SGMS1: variants seen among roughly 807,000 people sequenced by gnomAD.
SGMS1 encodes the protein sphingomyelin synthase 1.
SGMS1 carries 13 observed loss-of-function variants against 46.2 expected under a neutral mutation model. The ratio of observed to expected loss-of-function variants is 0.28; its 90% confidence interval spans 0.18 to 0.45. The LOEUF is 0.45. SGMS1 is among the 20% of genes least tolerant of loss of function. The pLI is 1.00. For synonymous variants in SGMS1, 203 were observed against 187.8 expected (o/e 1.08, Z -0.66); for missense variants, 324 against 519.9 (o/e 0.62, Z 3.66).
chr10:50,600,333 T>A (rs1588888993), intron 1 of SGMS1, among the ~76,000 whole-genome samples: 1 of 152,232 alleles, frequency 6.6e-6, no homozygotes, highest in South Asian at 2.1e-4. Flanking sequence ...TTTGAGCAAA[T>A]GTATTTACTC....
intron 6 of SGMS1, among the ~76,000 whole-genome samples, chr10:50,426,062 G>C (rs1849322374): frequency 6.6e-6 from 1 of 152,150 alleles, no homozygotes; most frequent in Non-Finnish European, 1.5e-5. Flanking sequence ...AAATGGAGTG[G>C]TATGTATTAA....
intron 7 of SGMS1, among the ~76,000 whole-genome samples, chr10:50,328,281 T>A (rs1847561016): frequency 6.6e-6 from 1 of 152,216 alleles, no homozygotes; most frequent in Non-Finnish European, 1.5e-5. Flanking sequence ...CAGGCCAGAA[T>A]CATGTGAGTA....
intron 1 of SGMS1, among the ~76,000 whole-genome samples, chr10:50,600,105 T>C (rs1175412339): frequency 1.3e-5 from 2 of 152,132 alleles, no homozygotes; most frequent in African/African-American, 4.8e-5. Flanking sequence ...AACCAGAGGA[T>C]TGGGGAAATT....
chr10:50,476,656 T>C (rs973395602), intron 3 of SGMS1, among the ~76,000 whole-genome samples: 2 of 152,100 alleles, frequency 1.3e-5, no homozygotes, highest in Non-Finnish European at 2.9e-5. Flanking sequence ...GAAAAATACT[T>C]TTGTGGGCCA....
intron 8 of SGMS1, among the ~76,000 whole-genome samples, chr10:50,325,015 T>C (rs1031240437): frequency 3.9e-5 from 6 of 152,262 alleles, no homozygotes; most frequent in African/African-American, 1.4e-4. Flanking sequence ...CATCAACTTG[T>C]AATTGCTGAT....
At chr10:50,442,144 A>G (rs1214098322) in intron 5 of SGMS1, among the ~76,000 whole-genome samples, 5 of 152,088 alleles carry the variant, frequency 3.3e-5, no homozygotes, top group Admixed American at 1.3e-4. Context: ...AACAAAACAA[A>G]AGGGCGTTCA....
chr10:50,475,897 T>C (rs1264054882), intron 3 of SGMS1, among the ~76,000 whole-genome samples: 1 of 151,972 alleles, frequency 6.6e-6, no homozygotes, highest in East Asian at 1.9e-4. Flanking sequence ...TTGAACCTCA[T>C]TTCTGTATAA....
chr10:50,609,098 C>T lies in SGMS1; in HGVS notation c.-684+14609G>A, dbSNP rs146388419. 4.7e-3 allele frequency among the ~76,000 whole-genome samples: 719 copies of T among 152,234 alleles called. 3 individuals carry two copies. The highest frequency in any genetic ancestry group is 0.024 in the South Asian group (116 of 4,826). On this transcript the variant is annotated intron_variant, in intron 1 of 10. Coordinates refer to ENST00000361781, the MANE Select transcript of SGMS1 (RefSeq NM_147156.4). ...CTCCCAGGCTCAAGCGATCCTCCCA[C>T]CTCAGTCTCCCTGGTATCTGGGACT... is the stretch of plus-strand genomic sequence containing the variant.
chr10:50,623,315 G>A (rs1394566696), intron 1 of SGMS1, among the ~76,000 whole-genome samples: 3 of 152,150 alleles, frequency 2.0e-5, no homozygotes, highest in Non-Finnish European at 2.9e-5. Flanking sequence ...CCCCGGGCGG[G>A]CTACTGCCCA....
At chr10:50,327,844 T>C (rs538277774) in intron 7 of SGMS1, among the ~76,000 whole-genome samples, 14 of 152,318 alleles carry the variant, frequency 9.2e-5, no homozygotes, top group African/African-American at 3.1e-4. Flanking sequence ...AACGAACCTA[T>C]GGAAAAACAG....
At chr10:50,325,005 C>T (rs1007995068) in intron 8 of SGMS1, among the ~76,000 whole-genome samples, 1 of 152,174 alleles carries the variant, frequency 6.6e-6, no homozygotes, top group Non-Finnish European at 1.5e-5. Flanking sequence ...CAGGATATCG[C>T]ATCAACTTGT....
chr10:50,508,774 T>C (rs1837729501), intron 3 of SGMS1, among the ~76,000 whole-genome samples: 1 of 152,188 alleles, frequency 6.6e-6, no homozygotes, highest in Non-Finnish European at 1.5e-5. Flanking sequence ...CCATAAAACC[T>C]TGGGCTTTCT....
chr10:50,394,762 T>C (rs1011704283), intron 6 of SGMS1, among the ~76,000 whole-genome samples: 3 of 152,240 alleles, frequency 2.0e-5, no homozygotes, highest in African/African-American at 4.8e-5. Context: ...TGTTAGACCC[T>C]AATACTCTAA....
At chr10:50,375,117 G>C (rs1354472100) in intron 6 of SGMS1, among the ~76,000 whole-genome samples, 3 of 151,996 alleles carry the variant, frequency 2.0e-5, no homozygotes, top group African/African-American at 7.3e-5. Flanking sequence ...GGGCAACCAA[G>C]CAGAAAGAAG....
intron 2 of SGMS1, among the ~76,000 whole-genome samples, chr10:50,522,357 T>C (rs1260148241): frequency 6.6e-6 from 1 of 152,186 alleles, no homozygotes; most frequent in Admixed American, 6.6e-5. Context: ...GCTCATCTTG[T>C]ATCTACCCTG....
At chr10:50,554,890 T>C (rs1218670140) in intron 2 of SGMS1, among the ~76,000 whole-genome samples, 4 of 152,254 alleles carry the variant, frequency 2.6e-5, no homozygotes, top group African/African-American at 9.6e-5. Context: ...ATCAGTACAT[T>C]CAGATCTACT....
At chr10:50,462,614 A>G (rs1278687557) in intron 4 of SGMS1, among the ~76,000 whole-genome samples, 1 of 152,234 alleles carries the variant, frequency 6.6e-6, no homozygotes, top group Non-Finnish European at 1.5e-5. Flanking sequence ...ACCATTTTAT[A>G]AAGTCCTTTT....
At position 50,562,803 on chromosome 10, in the gene SGMS1, C is replaced by A. The variant is rs181622470; in HGVS notation, c.-589+27350G>T. The stretch of plus-strand genomic sequence containing the variant: ...TCGTGATCCGCCCGCCTTGGCCTCC[C>A]AAAGTGCTGGGTTTACAAGCGTGAG... On this transcript the variant is annotated intron_variant, in intron 2 of 10. Transcript: ENST00000361781. 2.0e-4 allele frequency among the ~76,000 whole-genome samples: 31 copies of A among 152,266 alleles called. No individual in the cohort carries two copies. In the East Asian group the frequency reaches 4.5e-3, roughly 22 times the overall value.
At chr10:50,429,728 CACACACACACACAT>C (rs1264204385) in intron 6 of SGMS1, among the ~76,000 whole-genome samples, 441 of 19,308 alleles carry the variant, frequency 0.023, 5 homozygotes, top group African/African-American at 0.038. Context: ...CACACACACA[CACACACACACACAT>C]ACTCTTTTCT....
Sources: gnomAD v4.1 joint callset for allele counts (sites outside exome capture counted in the v4.1 genomes callset) on GRCh38, gnomAD v4.1.1 for gene constraint, MANE v1.5 for transcripts, NCBI Gene and HGNC (gene_info 2026-07-23, HGNC 2026-07-21) for gene names.